Variants in CFAP418 observed in about 807,000 individuals in gnomAD.
CFAP418 encodes the protein cilia and flagella associated protein 418, also known as cilia- and flagella-associated protein 418.
Under a neutral mutation model 24.7 loss-of-function variants are expected in CFAP418, and 27 were observed. That is an observed-to-expected ratio of 1.09 (90% CI 0.81 to 1.51). The LOEUF is 1.51. Among genes scored for constraint, CFAP418 ranks in the 40% most tolerant of loss-of-function variants. The pLI, the probability that CFAP418 is intolerant of heterozygous loss-of-function variation, is 0.00. For missense variants in CFAP418, 257 were observed against 255.2 expected (o/e 1.01, Z -0.05); for synonymous variants, 74 against 87.3 (o/e 0.85, Z 0.85).
rs2132150973 is a variant in CFAP418, at chr8:95,246,927, T to C, written c.*690A>G. The C allele has an allele frequency of 6.6e-6, 1 of 152,350 alleles. No individual in the cohort carries two copies. Among genetic ancestry groups the C allele is most frequent in the Non-Finnish European group, 1.5e-5 (1 of 68,044 alleles). 9.4% of individuals were successfully genotyped at this position (152,350 alleles called of 1,614,324 possible). A position where few individuals can be genotyped will look rare whatever the true frequency, so the allele number is the denominator to read the frequency against. The stretch of plus-strand genomic sequence containing the variant: ...TTGTGATTTTGGGTGCATCAAACTC[T>C]TTTTATATATTATTGGGTAATCAAA... On this transcript the variant is annotated 3_prime_UTR_variant, in exon 6 of 6. Transcript: ENST00000286688.
intron 2 of CFAP418, among the ~76,000 whole-genome samples, chr8:95,261,084 A>G (rs1811880862): frequency 6.6e-6 from 1 of 152,234 alleles, no homozygotes. Flanking sequence ...ATATGGTTAC[A>G]TAGTATCATC....
intron 3 of CFAP418, 119 bp from the exon 4 acceptor site, chr8:95,260,024 T>A (rs1164767739): frequency 1.4e-6 from 1 of 702,208 alleles, no homozygotes; most frequent in East Asian, 2.9e-5. Flanking sequence ...AATCAAATTG[T>A]CTATTTTCCC....
chr8:95,261,310 T>C (rs1260727772), intron 2 of CFAP418, among the ~76,000 whole-genome samples: 1 of 152,198 alleles, frequency 6.6e-6, no homozygotes, highest in Non-Finnish European at 1.5e-5. Flanking sequence ...TATTTGATGT[T>C]AAGCAGAAAT....
intron 1 of CFAP418, among the ~76,000 whole-genome samples, chr8:95,267,907 TGAG>T (rs1224893244): frequency 6.7e-6 from 1 of 149,758 alleles, no homozygotes; most frequent in East Asian, 2.0e-4. Flanking sequence ...GTGGGGGAAA[TGAG>T]GAAGTGAAGG....
intron 4 of CFAP418, among the ~76,000 whole-genome samples, chr8:95,257,677 T>G (rs771551048): frequency 1.3e-5 from 2 of 152,224 alleles, no homozygotes; most frequent in Non-Finnish European, 2.9e-5. Flanking sequence ...TGCTTACTCA[T>G]GTGTTTGTGG....
intron 5 of CFAP418, among the ~76,000 whole-genome samples, chr8:95,251,241 G>A (rs534466194): frequency 6.6e-6 from 1 of 152,274 alleles, no homozygotes; most frequent in East Asian, 1.9e-4. Flanking sequence ...TACACAGGAA[G>A]GGAAGAGTTT....
chr8:95,261,917 T>C (rs1011756162), intron 2 of CFAP418, among the ~76,000 whole-genome samples: 7 of 152,222 alleles, frequency 4.6e-5, no homozygotes, highest in Non-Finnish European at 8.8e-5. Context: ...AATGATGTAA[T>C]TTTTTTCTAC....
chr8:95,263,775 C>T lies in CFAP418; in HGVS notation c.156-1G>A. On this transcript the variant is annotated splice_acceptor_variant, in intron 1 of 5. Coordinates refer to ENST00000286688, the MANE Select transcript of CFAP418 (RefSeq NM_177965.4). LOFTEE classifies it high-confidence loss of function. ...TTCTTTTTTAAATGTTTCTGTTGAT[C>T]TGAAAAGAAGACATACACAAAGAAA... 2 of 1,579,952 alleles carry T rather than the reference C, an allele frequency of 1.3e-6. No homozygotes were observed. Among genetic ancestry groups the T allele is most frequent in the Non-Finnish European group, 1.7e-6 (2 of 1,151,624 alleles).
chr8:95,268,842 G>C, intron 1 of CFAP418, 193 bp downstream of exon 1: 1 of 592,606 alleles, frequency 1.7e-6, no homozygotes, highest in Non-Finnish European at 2.9e-6. Flanking sequence ...GCTGAGTGAA[G>C]AGGTGCCAGA....
At chr8:95,249,116 T>C (rs934061069) in intron 5 of CFAP418, among the ~76,000 whole-genome samples, 1 of 152,218 alleles carries the variant, frequency 6.6e-6, no homozygotes, top group Non-Finnish European at 1.5e-5. Flanking sequence ...CTTTATTTGA[T>C]CTGCAAAATA....
chr8:95,254,178 T>C (rs1811751798), intron 4 of CFAP418, among the ~76,000 whole-genome samples: 1 of 152,188 alleles, frequency 6.6e-6, no homozygotes, highest in South Asian at 2.1e-4. Flanking sequence ...TAAAAAATAA[T>C]TGAGAGTAAA....
rs1318065060 is a variant in CFAP418, at chr8:95,246,758, T to C, written c.*859A>G. ...TCACTTACTCACCTAATAAACGATA[T>C]GTCAACCTGATCCTACCAGAGAAGT... On this transcript the variant is annotated 3_prime_UTR_variant, in exon 6 of 6. Transcript: ENST00000286688. The C allele has an allele frequency of 6.6e-6, 1 of 152,196 alleles. No individual in the cohort carries two copies. Among genetic ancestry groups the C allele is most frequent in the African/African-American group, 2.4e-5 (1 of 41,452 alleles). The allele number at this position is 152,196 out of a possible 1,614,324, so 9.4% of individuals were successfully genotyped here. A position where few individuals can be genotyped will look rare whatever the true frequency, so the allele number is the denominator to read the frequency against.
intron 5 of CFAP418, among the ~76,000 whole-genome samples, 187 bp from the exon 6 acceptor site, chr8:95,247,957 T>G (rs117779085): frequency 0.048 from 7,226 of 152,062 alleles, 245 homozygotes; most frequent in East Asian, 0.13. Flanking sequence ...AGGCTTCCCC[T>G]CAGCCTTCCA....
At chr8:95,248,206 A>G (rs1181935132) in intron 5 of CFAP418, among the ~76,000 whole-genome samples, 2 of 152,198 alleles carry the variant, frequency 1.3e-5, no homozygotes, top group African/African-American at 4.8e-5. Context: ...TAACACTAGA[A>G]GATATGCTTC....
At chr8:95,265,877 T>G (rs143273478) in intron 1 of CFAP418, among the ~76,000 whole-genome samples, 23 of 152,328 alleles carry the variant, frequency 1.5e-4, no homozygotes, top group African/African-American at 5.3e-4. Context: ...GATGTGACAA[T>G]AATCTCAATC....
chr8:95,268,893 A>G (rs1812079544), intron 1 of CFAP418, 142 bp downstream of exon 1: 2 of 832,306 alleles, frequency 2.4e-6, no homozygotes, highest in South Asian at 3.4e-5. Flanking sequence ...CGCGGAGGGT[A>G]GGGCGCTGAG....
chr8:95,247,587 T>G lies in CFAP418; in HGVS notation c.*30A>C, dbSNP rs1811641656. The G allele has an allele frequency of 6.2e-7, 1 of 1,613,346 alleles. No homozygotes were observed. The highest frequency in any genetic ancestry group is 8.5e-7 in the Non-Finnish European group (1 of 1,179,546). On this transcript the variant is annotated 3_prime_UTR_variant, in exon 6 of 6. Coordinates refer to ENST00000286688, the MANE Select transcript of CFAP418 (RefSeq NM_177965.4). ...GATTCATGGAGACCACTCTCATGGA[T>G]GCATCTGTCCGAATGTGCAGTCTGC...
intron 5 of CFAP418, among the ~76,000 whole-genome samples, chr8:95,250,732 C>T (rs1017787652): frequency 1.3e-5 from 2 of 152,052 alleles, no homozygotes; most frequent in African/African-American, 4.8e-5. Flanking sequence ...TTTGGGAGTA[C>T]ATTAGGCTTT....
At position 95,260,507 on chromosome 8, in the gene CFAP418, T is replaced by C. The variant is rs199731969; in HGVS notation, c.269A>G (p.Asn90Ser). Residue 90 changes from asparagine (N) to serine (S), a missense_variant, in exon 3 of 6, where the codon AAC becomes AGC. Transcript: ENST00000286688. Reference protein sequence around the residue: ...PSKLKSKSSGNTSVRASIEGL... With the variant: ...PSKLKSKSSGSTSVRASIEGL... ...TTCAATGGAAGCTCTGACAGATGTGTTACCTGAAGATTTAGATTTTAATTT... is the reference window on the plus strand; with the variant it reads ...TTCAATGGAAGCTCTGACAGATGTGCTACCTGAAGATTTAGATTTTAATTT... 4.0e-4 allele frequency: 640 copies of C among 1,585,866 alleles called. 2 individuals are homozygous for C. The East Asian group carries it at 4.4e-3, about 11-fold the overall frequency.
Sources: gnomAD v4.1 joint callset for allele counts (sites outside exome capture counted in the v4.1 genomes callset) on GRCh38, gnomAD v4.1.1 for gene constraint, MANE v1.5 for transcripts, NCBI Gene and HGNC (gene_info 2026-07-23, HGNC 2026-07-21) for gene names.